The following ASB17 variants were observed in gnomAD, a reference collection of about 807,000 sequenced individuals.
The protein encoded by ASB17 is ankyrin repeat and SOCS box protein 17.
Under a neutral mutation model 25.7 loss-of-function variants are expected in ASB17, and 26 were observed. That is an observed-to-expected ratio of 1.01 (90% CI 0.74 to 1.40). ASB17 has a LOEUF of 1.40. ASB17 is among the 40% of genes most tolerant of loss of function. The probability of loss-of-function intolerance (pLI) is 0.00; values close to 1 mark genes in which losing one functional copy is unlikely to be tolerated. For missense variants in ASB17, 326 were observed against 338.5 expected, an observed-to-expected ratio of 0.96 and a Z score of 0.29; for synonymous variants, 128 against 121.4, an observed-to-expected ratio of 1.05 and a Z score of -0.36.
rs1353486257 is a variant in ASB17, at chr1:75,932,267, C to T, written c.25G>A (p.Gly9Ser). The change falls in exon 1 of 3, where the codon GGT (glycine) becomes AGT (serine). Residue 9 changes from glycine to serine, a missense_variant. By Grantham distance (56) the Gly-to-Ser change is moderately conservative (BLOSUM62 0). Coordinates refer to ENST00000284142, the MANE Select transcript of ASB17 (RefSeq NM_080868.3). MSKSTKLC[G>S]KTSCPRSNIF... ...TTGCTTCTTGGACAAGAAGTCTTAC[C>T]ACATAATTTAGTAGATTTACTCATT... The T allele has an allele frequency of 6.2e-7, 1 of 1,610,584 alleles. No individual in the cohort carries two copies. The highest frequency in any genetic ancestry group is 8.5e-7 in the Non-Finnish European group (1 of 1,178,410).
intron 1 of ASB17, among the ~76,000 whole-genome samples, chr1:75,929,699 A>G (rs1653271512): frequency 6.6e-6 from 1 of 152,172 alleles, no homozygotes; most frequent in South Asian, 2.1e-4. Flanking sequence ...GAAGAGTGGA[A>G]GCTGAATGAC....
At chr1:75,922,488 C>CTTT (rs3037164) in intron 1 of ASB17, 129 bp from the exon 2 acceptor site, 6,809 of 121,990 alleles carry the variant, frequency 0.056, 655 homozygotes, top group African/African-American at 0.1. Context: ...TTATATGTTT[C>CTTT]TTTTTTTTTT....
chr1:75,922,505 T>TG, intron 1 of ASB17, 146 bp from the exon 2 acceptor site: 1 of 641,496 alleles, frequency 1.6e-6, no homozygotes, highest in South Asian at 3.8e-5. Context: ...TTTTTTTTTT[T>TG]TTTTTTTTGA....
intron 1 of ASB17, among the ~76,000 whole-genome samples, chr1:75,929,693 A>C (rs796658465): frequency 1.5e-4 from 23 of 152,302 alleles, no homozygotes; most frequent in African/African-American, 5.3e-4. Flanking sequence ...GAGAGGGAAG[A>C]GTGGAAGCTG....
chr1:75,929,580 T>C (rs1653269028), intron 1 of ASB17, among the ~76,000 whole-genome samples: 1 of 152,208 alleles, frequency 6.6e-6, no homozygotes, highest in African/African-American at 2.4e-5. Context: ...ATAAAATCAC[T>C]GTAGTGGAAA....
intron 1 of ASB17, among the ~76,000 whole-genome samples, chr1:75,926,148 G>C (rs1018760680): frequency 1.3e-5 from 2 of 152,122 alleles, no homozygotes; most frequent in African/African-American, 4.8e-5. Context: ...TTAGGTGCTT[G>C]GGATATATCA....
intron 1 of ASB17, among the ~76,000 whole-genome samples, chr1:75,923,726 G>A (rs1653092296): frequency 6.6e-6 from 1 of 152,134 alleles, no homozygotes; most frequent in Non-Finnish European, 1.5e-5. Flanking sequence ...TAAAATGGGA[G>A]GCAGCATGGT....
rs371876924 is a variant in ASB17, at chr1:75,922,340, A to C, written c.421T>G (p.Cys141Gly). 5.0e-6 allele frequency: 8 copies of C among 1,602,018 alleles called. No individual in the cohort carries two copies. The highest frequency in any genetic ancestry group is 6.8e-6 in the Non-Finnish European group (8 of 1,174,710). The change falls in exon 2 of 3, where the codon TGT (cysteine) becomes GGT (glycine). Residue 141 changes from cysteine to glycine, a missense_variant. Physicochemically the swap from Cys to Gly is radical, Grantham distance 159. Coordinates refer to ENST00000284142, the MANE Select transcript of ASB17 (RefSeq NM_080868.3). ...GTGATGCCACTTAATGGGCTTGGAC[A>C]GTATACTGGTGTGAAAGTTCTGTGA... ...LIWRTFTPVY[C>G]PSPLSGITPL...
At chr1:75,920,338 A>C (rs998455611) in intron 2 of ASB17, among the ~76,000 whole-genome samples, 2 of 152,244 alleles carry the variant, frequency 1.3e-5, no homozygotes, top group Non-Finnish European at 2.9e-5. Context: ...ACTAGAACAT[A>C]TACTCCACAG....
At chr1:75,921,377 A>G (rs892135389) in intron 2 of ASB17, among the ~76,000 whole-genome samples, 1 of 152,194 alleles carries the variant, frequency 6.6e-6, no homozygotes, top group Non-Finnish European at 1.5e-5. Flanking sequence ...GATTAGGGGA[A>G]CTACTGGATT....
intron 1 of ASB17, among the ~76,000 whole-genome samples, chr1:75,925,456 T>C (rs1653146581): frequency 6.6e-6 from 1 of 152,118 alleles, no homozygotes; most frequent in Non-Finnish European, 1.5e-5. Flanking sequence ...TGAAAAATGT[T>C]GAAAACATGA....
intron 1 of ASB17, among the ~76,000 whole-genome samples, chr1:75,927,851 G>A (rs1265768818): frequency 6.6e-6 from 1 of 152,090 alleles, no homozygotes; most frequent in African/African-American, 2.4e-5. Context: ...CATTACCCAT[G>A]GTGTAAATTT....
In ASB17 at chr1:75,931,943, T is replaced by C. The variant is rs1653331826; in HGVS notation, c.349A>G (p.Lys117Glu). 1 of 1,613,548 alleles carries C rather than the reference T, an allele frequency of 6.2e-7. No individual in the cohort carries two copies. The highest frequency in any genetic ancestry group is 1.1e-5 in the South Asian group (1 of 90,942). ...NPDFVELLLKKTKDYVQDRSC... is the reference protein window; with the variant it reads ...NPDFVELLLKETKDYVQDRSC... The stretch of plus-strand genomic sequence containing the variant: ...CTGTCTTGAACATAGTCTTTTGTCT[T>C]CTTGAGAAGCAATTCCACAAAGTCA... Residue 117 changes from lysine to glutamate, a missense_variant, in exon 1 of 3, where the codon AAG (lysine) becomes GAG (glutamate). By Grantham distance (56) the Lys-to-Glu change is moderately conservative. Coordinates refer to ENST00000284142, the MANE Select transcript of ASB17 (RefSeq NM_080868.3).
chr1:75,920,198 C>T (rs1340783603), intron 2 of ASB17, among the ~76,000 whole-genome samples: 2 of 152,092 alleles, frequency 1.3e-5, no homozygotes, highest in East Asian at 1.9e-4. Context: ...CTGACACAGG[C>T]CTGTCCAAAT....
chr1:75,919,231 TTTTAA>T, intron 2 of ASB17, 73 bp from the exon 3 acceptor site: 1 of 1,050,800 alleles, frequency 9.5e-7, no homozygotes, highest in Non-Finnish European at 1.3e-6. Flanking sequence ...TAAAACTTAT[TTTTAA>T]TTTAAATTTA....
chr1:75,926,703 C>A (rs1653182840), intron 1 of ASB17, among the ~76,000 whole-genome samples: 1 of 152,100 alleles, frequency 6.6e-6, no homozygotes, highest in South Asian at 2.1e-4. Context: ...TGGAGACAGC[C>A]AGATGCTGTA....
In ASB17 at chr1:75,918,941, A is replaced by G. The variant is rs1301142721; in HGVS notation, c.*11T>C. 1.9e-6 allele frequency: 3 copies of G among 1,596,314 alleles called. No individual in the cohort carries two copies. Among genetic ancestry groups the G allele is most frequent in the Non-Finnish European group, 2.6e-6 (3 of 1,164,082 alleles). On this transcript the variant is annotated 3_prime_UTR_variant, in exon 3 of 3. Transcript: ENST00000284142. ...TAAGCATTGTTAAGGAACTTAGGAC[A>G]CTGACGTATGTTAGATTTCTAAATT...
chr1:75,925,174 G>A (rs554540260), intron 1 of ASB17, among the ~76,000 whole-genome samples: 2 of 152,102 alleles, frequency 1.3e-5, no homozygotes, highest in South Asian at 4.1e-4. Flanking sequence ...CTATATATAT[G>A]TCATAGTAAA....
intron 1 of ASB17, among the ~76,000 whole-genome samples, chr1:75,928,485 C>A (rs1327800940): frequency 6.6e-6 from 1 of 152,150 alleles, no homozygotes; most frequent in African/African-American, 2.4e-5. Flanking sequence ...TCTATCTCCT[C>A]TCCTCCAGGG....
Sources: allele counts gnomAD v4.1 joint callset (sites outside exome capture counted in the v4.1 genomes callset), GRCh38; gene constraint gnomAD v4.1.1; transcripts MANE v1.5; gene names NCBI Gene and HGNC (gene_info 2026-07-23, HGNC 2026-07-21).